Variants in CEP128 observed in about 807,000 individuals in gnomAD.
CEP128 encodes the protein centrosomal protein 128kDa.
CEP128 carries 132 observed loss-of-function variants against 156.7 expected under a neutral mutation model. The observed-to-expected ratio is 0.84, with a 90% CI of 0.73 to 0.97. The LOEUF is 0.97. CEP128 is among the 50% of genes least tolerant of loss of function. The pLI is 0.00. For missense variants in CEP128, 1,252 were observed against 1,281.9 expected, an observed-to-expected ratio of 0.98 and a Z score of 0.36; for synonymous variants, 469 against 448.9, an observed-to-expected ratio of 1.04 and a Z score of -0.57.
chr14:80,753,675 T>A (rs905486049), intron 18 of CEP128, among the ~76,000 whole-genome samples: 1 of 152,322 alleles, frequency 6.6e-6, no homozygotes, highest in East Asian at 1.9e-4. Flanking sequence ...TGTGTCTTTG[T>A]CCTTGCTTCT....
At chr14:80,602,985 A>G (rs1411023224) in intron 19 of CEP128, among the ~76,000 whole-genome samples, 2 of 152,188 alleles carry the variant, frequency 1.3e-5, no homozygotes, top group East Asian at 3.8e-4. Flanking sequence ...ATGAAAACAA[A>G]AACACGACAT....
chr14:80,836,121 T>A, intron 12 of CEP128, 84 bp downstream of exon 12: 2 of 1,279,584 alleles, frequency 1.6e-6, no homozygotes, highest in Non-Finnish European at 2.2e-6. Flanking sequence ...GGAATGCAAT[T>A]CTGAGGATGA....
chr14:80,855,006 A>G (rs1009887335), intron 9 of CEP128, among the ~76,000 whole-genome samples: 1 of 152,218 alleles, frequency 6.6e-6, no homozygotes, highest in African/African-American at 2.4e-5. Context: ...AAAAATAGTC[A>G]ATGGGATTAA....
At chr14:80,779,548 G>C (rs1213270113) in intron 15 of CEP128, among the ~76,000 whole-genome samples, 3 of 152,146 alleles carry the variant, frequency 2.0e-5, no homozygotes, top group African/African-American at 7.2e-5. Context: ...TCCCCCTAAA[G>C]TCTGTAGTGT....
At chr14:80,925,597 G>T (rs553257683) in intron 2 of CEP128, among the ~76,000 whole-genome samples, 28 of 148,444 alleles carry the variant, frequency 1.9e-4, no homozygotes, top group African/African-American at 5.9e-4. Context: ...TGTTTTTTTG[G>T]TTTTTTTTTT....
intron 13 of CEP128, among the ~76,000 whole-genome samples, chr14:80,807,783 C>A (rs1372579924): frequency 6.6e-6 from 1 of 152,158 alleles, no homozygotes; most frequent in Non-Finnish European, 1.5e-5. Flanking sequence ...AGCTGGGTGC[C>A]ACTGTGAGAG....
chr14:80,832,275 A>T (rs1008605495), intron 12 of CEP128, among the ~76,000 whole-genome samples: 1 of 152,148 alleles, frequency 6.6e-6, no homozygotes, highest in Non-Finnish European at 1.5e-5. Flanking sequence ...AATAATACAC[A>T]TCCCAAGAAT....
intron 19 of CEP128, among the ~76,000 whole-genome samples, chr14:80,653,923 A>C (rs767513816): frequency 1.6e-4 from 25 of 152,178 alleles, no homozygotes; most frequent in Non-Finnish European, 3.2e-4. Context: ...CTATTGTTTC[A>C]TGAAACTTTT....
intron 19 of CEP128, among the ~76,000 whole-genome samples, chr14:80,666,067 C>A (rs944508751): frequency 4.6e-5 from 7 of 152,114 alleles, no homozygotes; most frequent in Non-Finnish European, 1.0e-4. Flanking sequence ...CAGGAGAGGA[C>A]AACCACCAGG....
chr14:80,907,210 AT>A (rs1245189230), intron 4 of CEP128, among the ~76,000 whole-genome samples: 1 of 152,146 alleles, frequency 6.6e-6, no homozygotes, highest in Non-Finnish European at 1.5e-5. Flanking sequence ...AACAATCTGT[AT>A]TAAAAGAAGT....
chr14:80,762,411 A>T (rs1900018403), intron 16 of CEP128, among the ~76,000 whole-genome samples: 1 of 152,134 alleles, frequency 6.6e-6, no homozygotes, highest in Admixed American at 6.5e-5. Context: ...TCACACTGTA[A>T]CCTAACCATC....
chr14:80,593,731 A>G (rs1429250849), intron 19 of CEP128, among the ~76,000 whole-genome samples: 3 of 152,140 alleles, frequency 2.0e-5, no homozygotes, highest in Non-Finnish European at 4.4e-5. Context: ...AATTGCTACA[A>G]AGAGAATAAA....
At chr14:80,601,399 G>C (rs1034002273) in intron 19 of CEP128, among the ~76,000 whole-genome samples, 1 of 152,046 alleles carries the variant, frequency 6.6e-6, no homozygotes, top group East Asian at 1.9e-4. Flanking sequence ...AAGAATTTTC[G>C]TGGGCCACAC....
At chr14:80,790,125 T>C (rs550875011) in intron 14 of CEP128, among the ~76,000 whole-genome samples, 9 of 152,014 alleles carry the variant, frequency 5.9e-5, no homozygotes, top group South Asian at 2.1e-4. Flanking sequence ...ACAGAAGGAA[T>C]AGATGGTAAT....
At chr14:80,516,666 C>T (rs1338647894) in intron 23 of CEP128, among the ~76,000 whole-genome samples, 1 of 152,162 alleles carries the variant, frequency 6.6e-6, no homozygotes, top group Admixed American at 6.5e-5. Flanking sequence ...TCTAAATGCT[C>T]CCTCCATGGG....
At chr14:80,810,808 AG>A (rs1333177173) in intron 13 of CEP128, among the ~76,000 whole-genome samples, 1 of 152,170 alleles carries the variant, frequency 6.6e-6, no homozygotes, top group Non-Finnish European at 1.5e-5. Context: ...TTAAGTTCTG[AG>A]ATACATGTGT....
At chr14:80,701,989 T>G (rs1240671792) in intron 19 of CEP128, among the ~76,000 whole-genome samples, 2 of 152,186 alleles carry the variant, frequency 1.3e-5, no homozygotes, top group Non-Finnish European at 2.9e-5. Flanking sequence ...CCCCTGGCAC[T>G]TCCTGAATGG....
intron 13 of CEP128, among the ~76,000 whole-genome samples, chr14:80,817,697 G>T (rs976081025): frequency 1.1e-4 from 16 of 152,106 alleles, no homozygotes; most frequent in Non-Finnish European, 2.2e-4. Flanking sequence ...CCTGGCCAAC[G>T]TGATGAAACC....
At chr14:80,735,004 T>C (rs1362216990) in intron 19 of CEP128, among the ~76,000 whole-genome samples, 1 of 152,154 alleles carries the variant, frequency 6.6e-6, no homozygotes, top group Non-Finnish European at 1.5e-5. Context: ...ACAAACCATA[T>C]GACCTAACAG....
Sources: allele counts gnomAD v4.1 joint callset (sites outside exome capture counted in the v4.1 genomes callset), GRCh38; gene constraint gnomAD v4.1.1; transcripts MANE v1.5; gene names NCBI Gene and HGNC (gene_info 2026-07-23, HGNC 2026-07-21).